KLHL14: variants seen among roughly 807,000 people sequenced by gnomAD.
KLHL14 encodes kelch-like protein 14.
In KLHL14, 22 loss-of-function variants were observed where a neutral mutation model predicts 64.3. The ratio of observed to expected loss-of-function variants is 0.34; its 90% CI spans 0.24 to 0.49. The LOEUF (loss-of-function observed/expected upper bound fraction) is 0.49. Ranked by LOEUF, KLHL14 falls within the 20% of genes least tolerant of loss-of-function variation. KLHL14 has a pLI of 0.99. For synonymous variants in KLHL14, 322 were observed against 333.4 expected (o/e 0.97, Z 0.37); for missense variants, 661 against 789.0 (o/e 0.84, Z 1.94).
intron 3 of KLHL14, among the ~76,000 whole-genome samples, chr18:32,731,925 A>C (rs966441890): frequency 6.6e-6 from 1 of 152,192 alleles, no homozygotes; most frequent in African/African-American, 2.4e-5. Context: ...CCTCCTTTTA[A>C]TATAAATGGT....
chr18:32,692,788 G>A (rs549771256), intron 4 of KLHL14, among the ~76,000 whole-genome samples: 1 of 152,290 alleles, frequency 6.6e-6, no homozygotes, highest in South Asian at 2.1e-4. Context: ...TGTAAGCTAT[G>A]TTTTCTGGCA....
At chr18:32,702,816 C>T (rs2049973071) in intron 3 of KLHL14, among the ~76,000 whole-genome samples, 1 of 152,140 alleles carries the variant, frequency 6.6e-6, no homozygotes. Context: ...CACTTTCTCC[C>T]TTACCTCCTA....
chr18:32,708,276 A>G (rs1366518931), intron 3 of KLHL14, among the ~76,000 whole-genome samples: 1 of 152,146 alleles, frequency 6.6e-6, no homozygotes, highest in Non-Finnish European at 1.5e-5. Context: ...GCACCATCCC[A>G]CCAGAGGTGC....
intron 5 of KLHL14, among the ~76,000 whole-genome samples, chr18:32,682,718 A>G (rs1321720503): frequency 2.0e-5 from 3 of 152,230 alleles, no homozygotes; most frequent in Admixed American, 6.5e-5. Flanking sequence ...TTTCTCATTG[A>G]ATATGATAGG....
At chr18:32,763,807 A>AC (rs1486669128) in intron 2 of KLHL14, among the ~76,000 whole-genome samples, 1 of 152,220 alleles carries the variant, frequency 6.6e-6, no homozygotes, top group Non-Finnish European at 1.5e-5. Context: ...ATAGCAATTT[A>AC]CAACGAACTC....
At chr18:32,747,335 T>C (rs1039608321) in intron 2 of KLHL14, among the ~76,000 whole-genome samples, 1 of 152,174 alleles carries the variant, frequency 6.6e-6, no homozygotes, top group African/African-American at 2.4e-5. Flanking sequence ...TATTATTACA[T>C]TGTAATATAT....
intron 1 of KLHL14, chr18:32,771,171 C>T (rs2050382488): frequency 5.4e-6 from 1 of 185,960 alleles, no homozygotes; most frequent in South Asian, 6.5e-5. Flanking sequence ...GGGGTAGGAA[C>T]AGGGGCCCGA....
chr18:32,685,031 T>C (rs1426968016), intron 5 of KLHL14, among the ~76,000 whole-genome samples: 1 of 152,070 alleles, frequency 6.6e-6, no homozygotes, highest in Non-Finnish European at 1.5e-5. Context: ...TCGAGTTGAT[T>C]GTTCTAAATC....
intron 3 of KLHL14, among the ~76,000 whole-genome samples, chr18:32,726,245 C>G (rs984700560): frequency 2.0e-5 from 3 of 152,324 alleles, no homozygotes; most frequent in Admixed American, 2.0e-4. Context: ...AGAGACCTTA[C>G]GGCCACAAAG....
In KLHL14 at chr18:32,687,185, C is replaced by G; in HGVS notation, c.1208G>C (p.Ser403Thr). 6.2e-7 allele frequency: 1 copy of G among 1,613,964 alleles called. No individual in the cohort carries two copies. The highest frequency in any genetic ancestry group is 8.5e-7 in the Non-Finnish European group (1 of 1,179,876). The change falls in exon 5 of 9, where the codon AGC (serine) becomes ACC (threonine). Residue 403 changes from serine (S) to threonine (T), a missense_variant. By Grantham distance (58) the Ser-to-Thr change is moderately conservative (BLOSUM62 1). This residue lies in a region of KLHL14 where 330 missense variants were observed against 450.0 expected (regional missense o/e 0.73). Transcript: ENST00000359358. ...FVSRYDPRFN[S>T]WIQLPPMQER... is the part of the protein sequence containing the mutation. ...CTGCATGGGTGGAAGTTGAATCCAG[C>G]TATTAAATCGAGGATCATATCGGCT...
At chr18:32,702,313 C>T (rs1027023442) in intron 3 of KLHL14, among the ~76,000 whole-genome samples, 13 of 149,858 alleles carry the variant, frequency 8.7e-5, no homozygotes, top group Non-Finnish European at 1.5e-4. Context: ...ATTGAATATT[C>T]CTTGCCATGG....
At chr18:32,705,375 C>T (rs2049985018) in intron 3 of KLHL14, among the ~76,000 whole-genome samples, 1 of 152,190 alleles carries the variant, frequency 6.6e-6, no homozygotes, top group South Asian at 2.1e-4. Flanking sequence ...AGCAAAACAT[C>T]ACAGTGTACC....
At chr18:32,682,762 A>G (rs1480521538) in intron 5 of KLHL14, among the ~76,000 whole-genome samples, 2 of 152,144 alleles carry the variant, frequency 1.3e-5, no homozygotes, top group Non-Finnish European at 2.9e-5. Flanking sequence ...TTACCTTTTC[A>G]AGTTAAAGTG....
At position 32,704,616 on chromosome 18, in the gene KLHL14, G is replaced by T. The variant is rs545331273; in HGVS notation, c.1070-9064C>A. Among the ~76,000 whole-genome samples the T allele has an allele frequency of 2.6e-5, 4 of 152,056 alleles. No homozygotes were observed. The South Asian group carries it at 6.2e-4, about 24-fold the overall frequency. ...GTGCACCTCTAATCCCAGCTACTTG[G>T]GGGGCTGGGGCAGGACAATCGCTTG... On this transcript the variant is annotated intron_variant, in intron 3 of 8. Coordinates refer to ENST00000359358, the MANE Select transcript of KLHL14 (RefSeq NM_020805.3).
chr18:32,735,763 CCT>C lies in KLHL14; in HGVS notation c.1069+6163_1069+6164del, dbSNP rs2050162918. On this transcript the variant is annotated intron_variant, in intron 3 of 8. Coordinates refer to ENST00000359358, the MANE Select transcript of KLHL14 (RefSeq NM_020805.3). ...GGGATTATTTATTAATGCTGGTTTCCCTCTCTAAACTATTAACATGGTGATAT... is the reference window on the plus strand; with the variant it reads ...GGGATTATTTATTAATGCTGGTTTCCCTCTAAACTATTAACATGGTGATAT... Among the ~76,000 whole-genome samples, 9 of 152,164 alleles carry C rather than the reference CCT, an allele frequency of 5.9e-5. No homozygotes were observed. The South Asian group carries it at 1.9e-3, about 32-fold the overall frequency.
intron 2 of KLHL14, among the ~76,000 whole-genome samples, chr18:32,767,044 T>C (rs1205652427): frequency 6.6e-6 from 1 of 152,148 alleles, no homozygotes; most frequent in Non-Finnish European, 1.5e-5. Flanking sequence ...AGAAACTCTT[T>C]TATATTTAGA....
chr18:32,687,850 A>C (rs555570987), intron 4 of KLHL14, among the ~76,000 whole-genome samples: 35 of 152,278 alleles, frequency 2.3e-4, no homozygotes, highest in African/African-American at 7.9e-4. Context: ...CTCTGTTCAA[A>C]CAATAGCAGC....
chr18:32,768,366 A>G (rs2050357692), intron 2 of KLHL14, among the ~76,000 whole-genome samples: 1 of 150,144 alleles, frequency 6.7e-6, no homozygotes, highest in Admixed American at 6.7e-5. Flanking sequence ...AACTTTAGTT[A>G]CCTAGGTCTG....
At chr18:32,723,442 G>A (rs1358371108) in intron 3 of KLHL14, among the ~76,000 whole-genome samples, 1 of 152,128 alleles carries the variant, frequency 6.6e-6, no homozygotes, top group African/African-American at 2.4e-5. Flanking sequence ...AAGACTGAGG[G>A]AGGTAGGAGA....
Sources: allele counts gnomAD v4.1 joint callset (sites outside exome capture counted in the v4.1 genomes callset), GRCh38; gene constraint gnomAD v4.1.1; regional missense constraint gnomAD v4.1.1; transcripts MANE v1.5; gene names NCBI Gene and HGNC (gene_info 2026-07-23, HGNC 2026-07-21).